Variants in MAGI1 observed in about 807,000 individuals in gnomAD.
MAGI1 encodes membrane-associated guanylate kinase, WW and PDZ domain-containing protein 1.
MAGI1 carries 58 observed loss-of-function variants against 139.9 expected under a neutral mutation model. The ratio of observed to expected loss-of-function variants is 0.41; its 90% CI spans 0.34 to 0.52. The LOEUF (loss-of-function observed/expected upper bound fraction) is 0.52, where lower values mean the gene tolerates loss of function less well. Ranked by LOEUF, MAGI1 falls within the 20% of genes least tolerant of loss-of-function variation. The probability of loss-of-function intolerance (pLI) is 0.12; values close to 1 mark genes in which losing one functional copy is unlikely to be tolerated. For synonymous variants in MAGI1, 812 were observed against 737.9 expected, an observed-to-expected ratio of 1.10 and a Z score of -1.63; for missense variants, 1,874 against 1,901.6, an observed-to-expected ratio of 0.99 and a Z score of 0.27.
chr3:65,844,648 A>G (rs2058922345), intron 1 of MAGI1, among the ~76,000 whole-genome samples: 1 of 152,156 alleles, frequency 6.6e-6, no homozygotes, highest in Non-Finnish European at 1.5e-5. Flanking sequence ...CCTAAATGGC[A>G]TACTTCAGGA....
In MAGI1 at chr3:65,470,275, T is replaced by C; in HGVS notation, c.959+8A>G. On this transcript the variant is annotated splice_region_variant and intron_variant, in intron 5 of 22. Transcript: ENST00000402939. The stretch of plus-strand genomic sequence containing the variant: ...AGAGATTTAGGTAGAAATAATGGTA[T>C]ACTTTACTCTATAAAATAGACTTCT... 1 of 1,570,292 alleles carries C rather than the reference T, an allele frequency of 6.4e-7. No homozygotes were observed. Among genetic ancestry groups the C allele is most frequent in the Non-Finnish European group, 8.8e-7 (1 of 1,140,962 alleles).
At chr3:65,937,261 T>G (rs1180485081) in intron 1 of MAGI1, among the ~76,000 whole-genome samples, 1 of 146,978 alleles carries the variant, frequency 6.8e-6, no homozygotes, top group Non-Finnish European at 1.5e-5. Flanking sequence ...TGAAAACTCT[T>G]GCAGCCTATT....
intron 1 of MAGI1, among the ~76,000 whole-genome samples, chr3:65,860,645 G>A (rs1307409589): frequency 6.6e-6 from 1 of 152,164 alleles, no homozygotes; most frequent in South Asian, 2.1e-4. Flanking sequence ...CCCCTAGGAT[G>A]GTGTCAAGAG....
intron 10 of MAGI1, among the ~76,000 whole-genome samples, chr3:65,431,417 G>A (rs1169856753): frequency 6.6e-6 from 1 of 151,982 alleles, no homozygotes; most frequent in Admixed American, 6.6e-5. Context: ...AATGTAGAAT[G>A]ACTATTTTCA....
At chr3:65,873,771 C>T (rs1312714485) in intron 1 of MAGI1, 3 of 152,116 alleles carry the variant, frequency 2.0e-5, no homozygotes, top group African/African-American at 4.8e-5. Flanking sequence ...TTCACATCCA[C>T]ATGCAAAAGA....
intron 1 of MAGI1, among the ~76,000 whole-genome samples, chr3:65,795,954 G>C (rs1452565138): frequency 6.6e-6 from 1 of 151,628 alleles, no homozygotes; most frequent in Non-Finnish European, 1.5e-5. Context: ...AGGAGGCTGA[G>C]GCGCAAGAAT....
intron 1 of MAGI1, among the ~76,000 whole-genome samples, chr3:65,802,369 G>A (rs1220798596): frequency 1.3e-5 from 2 of 152,132 alleles, no homozygotes; most frequent in African/African-American, 4.8e-5. Context: ...GGAAGATGGA[G>A]GCAACTCTCC....
At position 65,933,271 on chromosome 3, in the gene MAGI1, G is replaced by A. The variant is rs75753303; in HGVS notation, c.313+104725C>T. On this transcript the variant is annotated intron_variant, in intron 1 of 22. Transcript: ENST00000402939. Reference sequence around the variant, plus strand: ...CTACAAGTAAGGAACAGTTTAGTTCGTGGCTCAGGATCTCATGTGGTTGCA... The same window carrying A: ...CTACAAGTAAGGAACAGTTTAGTTCATGGCTCAGGATCTCATGTGGTTGCA... Among the ~76,000 whole-genome samples the A allele has an allele frequency of 3.3e-3, 507 of 152,294 alleles. 4 individuals carry two copies. Among genetic ancestry groups the A allele is most frequent in the African/African-American group, 0.012 (486 of 41,556 alleles).
At chr3:65,443,903 A>C (rs1300476433) in intron 7 of MAGI1, among the ~76,000 whole-genome samples, 1 of 152,228 alleles carries the variant, frequency 6.6e-6, no homozygotes, top group Non-Finnish European at 1.5e-5. Flanking sequence ...TCATGTGGTC[A>C]CTAATTTAAA....
chr3:66,005,710 A>C (rs2066979206), intron 1 of MAGI1, among the ~76,000 whole-genome samples: 1 of 152,184 alleles, frequency 6.6e-6, no homozygotes. Context: ...ACAAGGAAAG[A>C]AGATGACACA....
chr3:65,987,858 T>C (rs1459438381), intron 1 of MAGI1, among the ~76,000 whole-genome samples: 2 of 152,250 alleles, frequency 1.3e-5, no homozygotes, highest in African/African-American at 2.4e-5. Context: ...CATGAGCCAC[T>C]GCTCCCGACT....
chr3:65,536,720 T>C (rs529607884), intron 2 of MAGI1, among the ~76,000 whole-genome samples: 8 of 152,260 alleles, frequency 5.3e-5, no homozygotes, highest in African/African-American at 4.8e-5. Context: ...AGATTCAATC[T>C]TGGGACATTG....
intron 1 of MAGI1, among the ~76,000 whole-genome samples, chr3:65,853,442 G>A (rs189967067): frequency 5.3e-5 from 8 of 152,272 alleles, no homozygotes; most frequent in Non-Finnish European, 8.8e-5. Flanking sequence ...TTGTGCTGAC[G>A]AAATTTTTAA....
At chr3:65,846,387 T>C (rs533769581) in intron 1 of MAGI1, among the ~76,000 whole-genome samples, 106 of 152,290 alleles carry the variant, frequency 7.0e-4, no homozygotes, top group Non-Finnish European at 1.3e-3. Context: ...AAGGGCAAAG[T>C]TGAGACAATG....
chr3:65,443,713 C>T (rs1193888716), intron 7 of MAGI1, among the ~76,000 whole-genome samples: 1 of 152,096 alleles, frequency 6.6e-6, no homozygotes, highest in Non-Finnish European at 1.5e-5. Context: ...TCCTTTCAGG[C>T]AGAACAACAG....
intron 1 of MAGI1, among the ~76,000 whole-genome samples, chr3:65,852,383 G>T (rs992236995): frequency 1.3e-5 from 2 of 152,038 alleles, no homozygotes; most frequent in African/African-American, 4.8e-5. Context: ...CTCTCACGTT[G>T]TGTTTCAGAT....
rs2079649515 is a variant in MAGI1, at chr3:65,548,753, C to T, written c.431-55122G>A. On this transcript the variant is annotated intron_variant, in intron 2 of 22. Coordinates refer to ENST00000402939, the MANE Select transcript of MAGI1 (RefSeq NM_001033057.2). ...GGCCAGGCTAGTCTCGAACTCATGA[C>T]CTCAAGTAATCCACCCAACTCGGTC... 3.3e-5 allele frequency among the ~76,000 whole-genome samples: 5 copies of T among 151,980 alleles called. No individual in the cohort carries two copies. In the South Asian group the frequency reaches 1.0e-3, roughly 32 times the overall value.
chr3:65,921,672 C>T (rs896382305), intron 1 of MAGI1, among the ~76,000 whole-genome samples: 3 of 152,114 alleles, frequency 2.0e-5, no homozygotes, highest in African/African-American at 7.2e-5. Context: ...AATACAGAAG[C>T]TCTTACCACT....
intron 2 of MAGI1, among the ~76,000 whole-genome samples, chr3:65,539,058 T>C (rs1331384912): frequency 1.3e-5 from 2 of 151,440 alleles, no homozygotes; most frequent in East Asian, 4.0e-4. Flanking sequence ...CAGAACCACA[T>C]ACCAACTACC....
Sources: gnomAD v4.1 joint callset for allele counts (sites outside exome capture counted in the v4.1 genomes callset) on GRCh38, gnomAD v4.1.1 for gene constraint, MANE v1.5 for transcripts, NCBI Gene and HGNC (gene_info 2026-07-23, HGNC 2026-07-21) for gene names.